The following WDFY3 variants were observed in gnomAD, a reference collection of about 807,000 sequenced individuals.
WDFY3 encodes WD repeat and FYVE domain-containing protein 3.
WDFY3 carries 66 observed loss-of-function variants against 409.6 expected under a neutral mutation model. The observed-to-expected ratio is 0.16, with a 90% CI of 0.13 to 0.20. WDFY3 has a LOEUF of 0.20. Among genes scored for constraint, WDFY3 ranks in the 10% least tolerant of loss-of-function variants. The probability of loss-of-function intolerance (pLI) is 1.00; values close to 1 mark genes in which losing one functional copy is unlikely to be tolerated. For missense variants in WDFY3, 3,031 were observed against 4,298.1 expected (o/e 0.71, Z 8.24); for synonymous variants, 1,521 against 1,537.1 (o/e 0.99, Z 0.25).
intron 2 of WDFY3, among the ~76,000 whole-genome samples, chr4:84,903,849 G>A (rs1387079242): frequency 6.6e-6 from 1 of 152,110 alleles, no homozygotes; most frequent in East Asian, 1.9e-4. Context: ...TTTATGTGAT[G>A]TGTATCTCTA....
intron 2 of WDFY3, among the ~76,000 whole-genome samples, chr4:84,926,077 G>T (rs969651387): frequency 1.4e-5 from 2 of 147,944 alleles, no homozygotes; most frequent in Admixed American, 1.3e-4. Context: ...AGTATAGCGT[G>T]ATGTCGGCTC....
chr4:84,883,560 T>C (rs180724372), intron 3 of WDFY3, among the ~76,000 whole-genome samples: 84 of 152,302 alleles, frequency 5.5e-4, no homozygotes, highest in African/African-American at 1.9e-3. Context: ...TTTTATAACA[T>C]TCCATAATAA....
In WDFY3 at chr4:84,787,549, TGAA is replaced by T. The variant is rs762801663; in HGVS notation, c.3831_3833del (p.Ser1278del). 1 of 1,614,188 alleles carries T rather than the reference TGAA, an allele frequency of 6.2e-7. No individual in the cohort carries two copies. The highest frequency in any genetic ancestry group is 8.5e-7 in the Non-Finnish European group (1 of 1,180,028). On this transcript the variant is annotated inframe_deletion, in exon 23 of 68. Coordinates refer to ENST00000295888, the MANE Select transcript of WDFY3 (RefSeq NM_014991.6). ...CAAGTTCATAAATGGTAGTAACATT[TGAA>T]GAAGGTAAAACTTCTTCTAGAAAAT...
chr4:84,827,515 T>C (rs1304409696), intron 9 of WDFY3, among the ~76,000 whole-genome samples: 2 of 152,052 alleles, frequency 1.3e-5, no homozygotes, highest in Admixed American at 6.6e-5. Context: ...GAGTGAGAGT[T>C]CCAACAGCTG....
rs748807421 is a variant in WDFY3 at position 84,691,729 on chromosome 4, C to G, written c.9106G>C (p.Glu3036Gln). ...GGTGGGATAAGAACCTTATTCTGTT[C>G]CACCGCAAGAATACCTTTATCTGTA... Reference protein sequence around the residue: ...VCTDKGILAVEQNKVLIPPTW... With the variant: ...VCTDKGILAVQQNKVLIPPTW... Residue 3036 changes from glutamate (E) to glutamine (Q), a missense_variant, in exon 60 of 68, where the codon GAA (glutamate) becomes CAA (glutamine). Physicochemically the swap from Glu to Gln is conservative, Grantham distance 29 (BLOSUM62 2). Around this residue, in one of 16 missense-constraint regions of WDFY3, gnomAD observed 152 missense variants for 193.5 expected, o/e 0.79. Transcript: ENST00000295888. The G allele has an allele frequency of 6.2e-7, 1 of 1,614,054 alleles. No individual in the cohort carries two copies. The highest frequency in any genetic ancestry group is 8.5e-7 in the Non-Finnish European group (1 of 1,179,958).
chr4:84,961,107 C>T (rs925415384), intron 1 of WDFY3, among the ~76,000 whole-genome samples: 12 of 150,986 alleles, frequency 7.9e-5, no homozygotes, highest in Non-Finnish European at 1.6e-4. Flanking sequence ...TCCAGCTACT[C>T]GGGTGGCTGA....
intron 1 of WDFY3, among the ~76,000 whole-genome samples, chr4:84,951,696 A>C (rs1773631174): frequency 6.6e-6 from 1 of 152,218 alleles, no homozygotes; most frequent in Non-Finnish European, 1.5e-5. Context: ...TAACAATTAG[A>C]TACTGCAATG....
chr4:84,826,675 T>C, intron 10 of WDFY3, 140 bp downstream of exon 10: 1 of 761,582 alleles, frequency 1.3e-6, no homozygotes, highest in Admixed American at 4.2e-5. Flanking sequence ...ACTTAAACCA[T>C]TAAAAAAAAA....
At chr4:84,745,522 T>C (rs149837383) in intron 36 of WDFY3, among the ~76,000 whole-genome samples, 7 of 152,312 alleles carry the variant, frequency 4.6e-5, no homozygotes, top group African/African-American at 1.7e-4. Flanking sequence ...AAGTTCTACA[T>C]TGAGAACAAG....
At chr4:84,678,306 CA>C in intron 65 of WDFY3, 27 bp from the exon 66 acceptor site, 1 of 1,555,576 alleles carries the variant, frequency 6.4e-7, no homozygotes, top group Non-Finnish European at 8.9e-7. Flanking sequence ...GAGGACACAA[CA>C]TAACTCAACT....
chr4:84,743,332 A>C (rs1738787682), intron 37 of WDFY3, among the ~76,000 whole-genome samples: 1 of 152,230 alleles, frequency 6.6e-6, no homozygotes, highest in South Asian at 2.1e-4. Context: ...GATAACATAC[A>C]TATACCTATG....
chr4:84,768,357 T>C (rs1744053901), intron 30 of WDFY3, among the ~76,000 whole-genome samples: 1 of 152,158 alleles, frequency 6.6e-6, no homozygotes, highest in Non-Finnish European at 1.5e-5. Flanking sequence ...CTTTCATAGC[T>C]AGAGGGGAGA....
At chr4:84,840,052 G>C (rs1469237948) in intron 6 of WDFY3, among the ~76,000 whole-genome samples, 2 of 152,150 alleles carry the variant, frequency 1.3e-5, no homozygotes, top group Non-Finnish European at 2.9e-5. Context: ...TTACAGTTAA[G>C]TAGGTCCATT....
intron 3 of WDFY3, among the ~76,000 whole-genome samples, chr4:84,883,328 A>C (rs934493096): frequency 6.6e-6 from 1 of 152,172 alleles, no homozygotes; most frequent in South Asian, 2.1e-4. Flanking sequence ...ATCTATCTGA[A>C]ACAGTGACAA....
chr4:84,773,780 G>A (rs552093070), intron 29 of WDFY3, among the ~76,000 whole-genome samples: 3 of 152,266 alleles, frequency 2.0e-5, no homozygotes, highest in South Asian at 2.1e-4. Context: ...GAGTGCAGTG[G>A]TGCGATCTTG....
intron 36 of WDFY3, 24 bp downstream of exon 36, chr4:84,751,459 G>A (rs1271088190): frequency 8.1e-6 from 13 of 1,606,538 alleles, no homozygotes; most frequent in Middle Eastern, 1.7e-4. Flanking sequence ...CAAAAGAGAT[G>A]TAAATGCGTT....
rs1171044741 is a variant in WDFY3 at position 84,850,145 on chromosome 4, C to G, written c.181-120G>C. 20 of 1,026,158 alleles carry G rather than the reference C, an allele frequency of 1.9e-5. No individual in the cohort carries two copies. In the Admixed American group the frequency reaches 5.9e-4, roughly 30 times the overall value. 63.6% of individuals were successfully genotyped at this position (1,026,158 alleles called of 1,614,324 possible). ...CCAGAAAAGTCTACCTACACAGTTACTTTGAATCTTAATATGTTGAAAATA... is the reference window on the plus strand; with the variant it reads ...CCAGAAAAGTCTACCTACACAGTTAGTTTGAATCTTAATATGTTGAAAATA... On this transcript the variant is annotated intron_variant, in intron 4 of 67. Transcript: ENST00000295888.
At chr4:84,907,856 G>C (rs1767249565) in intron 2 of WDFY3, among the ~76,000 whole-genome samples, 1 of 152,100 alleles carries the variant, frequency 6.6e-6, no homozygotes, top group Non-Finnish European at 1.5e-5. Context: ...ACAGCATTAA[G>C]TGCTCTAAAC....
At chr4:84,882,540 T>C (rs1578967210) in intron 3 of WDFY3, among the ~76,000 whole-genome samples, 1 of 152,140 alleles carries the variant, frequency 6.6e-6, no homozygotes, top group Non-Finnish European at 1.5e-5. Context: ...TATGTATATA[T>C]AATCTGCTCT....
Sources: gnomAD v4.1 joint callset for allele counts (sites outside exome capture counted in the v4.1 genomes callset) on GRCh38, gnomAD v4.1.1 for gene constraint, gnomAD v4.1.1 regional missense constraint, MANE v1.5 for transcripts, NCBI Gene and HGNC (gene_info 2026-07-23, HGNC 2026-07-21) for gene names.